The following DNAH9 variants were observed in gnomAD, a reference collection of about 807,000 sequenced individuals.
DNAH9 encodes DNAH9 variant protein.
In DNAH9, 345 loss-of-function variants were observed where a neutral mutation model predicts 471.6. The observed-to-expected ratio is 0.73, with a 90% CI of 0.67 to 0.80. The LOEUF (loss-of-function observed/expected upper bound fraction) is 0.80. DNAH9 is among the 30% of genes least tolerant of loss of function. The probability of loss-of-function intolerance (pLI) is 0.00; values close to 1 mark genes in which losing one functional copy is unlikely to be tolerated. For missense variants in DNAH9, 5,407 were observed against 5,609.2 expected (o/e 0.96, Z 1.15); for synonymous variants, 2,093 against 2,123.6 (o/e 0.99, Z 0.40).
chr17:11,691,121 C>T (rs377530959), intron 20 of DNAH9, among the ~76,000 whole-genome samples: 93 of 152,292 alleles, frequency 6.1e-4, no homozygotes, highest in Middle Eastern at 6.8e-3. Context: ...CAAAATGTCA[C>T]GGGCTGTCCA....
At chr17:11,701,939 C>T (rs374239307) in intron 24 of DNAH9, among the ~76,000 whole-genome samples, 1 of 152,194 alleles carries the variant, frequency 6.6e-6, no homozygotes, top group Non-Finnish European at 1.5e-5. Flanking sequence ...ACCTCGGCCT[C>T]CCAAAGTGCT....
At chr17:11,617,749 C>T (rs2072776600) in intron 5 of DNAH9, 127 bp downstream of exon 5, 5 of 670,780 alleles carry the variant, frequency 7.5e-6, no homozygotes, top group South Asian at 7.4e-5. Context: ...AGTTCTTACA[C>T]TTGAATTACA....
chr17:11,622,080 G>A (rs1326019525), intron 6 of DNAH9, among the ~76,000 whole-genome samples: 1 of 119,686 alleles, frequency 8.4e-6, no homozygotes, highest in Non-Finnish European at 1.8e-5. Flanking sequence ...GCGAGACTCC[G>A]TCTCAAAAAA....
chr17:11,874,135 C>A (rs1972381643), intron 52 of DNAH9, among the ~76,000 whole-genome samples: 1 of 151,250 alleles, frequency 6.6e-6, no homozygotes, highest in South Asian at 2.1e-4. Context: ...ATCCCAGCCA[C>A]CTGGGAGGCT....
chr17:11,632,847 CCTT>C lies in DNAH9; in HGVS notation c.1635+148_1635+150del, dbSNP rs564406160. The stretch of plus-strand genomic sequence containing the variant: ...ATCTAGTAGAGAAGGATATGGGAAT[CCTT>C]CTTATATCAAGAAAGTGTGCAGAAT... On this transcript the variant is annotated intron_variant, in intron 8 of 68. Transcript: ENST00000262442. 4.3e-4 allele frequency: 212 copies of C among 489,488 alleles called. No homozygotes were observed. In the East Asian group the frequency reaches 6.0e-3, roughly 14 times the overall value. 30.3% of individuals were successfully genotyped at this position (489,488 alleles called of 1,614,324 possible). A position where few individuals can be genotyped will look rare whatever the true frequency, so the allele number is the denominator to read the frequency against.
intron 45 of DNAH9, among the ~76,000 whole-genome samples, chr17:11,820,945 TA>T (rs1349758023): frequency 6.6e-6 from 1 of 152,164 alleles, no homozygotes; most frequent in East Asian, 1.9e-4. Context: ...TTTTTATAGT[TA>T]AATCATTGAT....
intron 50 of DNAH9, among the ~76,000 whole-genome samples, chr17:11,863,320 C>T (rs1488842816): frequency 6.6e-6 from 1 of 152,092 alleles, no homozygotes; most frequent in African/African-American, 2.4e-5. Flanking sequence ...TGCTGGATTA[C>T]ATTTATTGAT....
chr17:11,758,113 C>A (rs1347399809), intron 35 of DNAH9, among the ~76,000 whole-genome samples: 1 of 152,272 alleles, frequency 6.6e-6, no homozygotes, highest in East Asian at 1.9e-4. Flanking sequence ...GGGCCCACTC[C>A]CCGTCCCTGG....
chr17:11,728,814 A>G (rs1238973228), intron 28 of DNAH9, among the ~76,000 whole-genome samples: 2 of 152,144 alleles, frequency 1.3e-5, no homozygotes, highest in Non-Finnish European at 2.9e-5. Flanking sequence ...CCATGGCCCT[A>G]CAAGCCACTA....
chr17:11,626,890 T>A lies in DNAH9; in HGVS notation c.1351-2527T>A, dbSNP rs1453946804. On this transcript the variant is annotated intron_variant, in intron 6 of 68. Coordinates refer to ENST00000262442, the MANE Select transcript of DNAH9 (RefSeq NM_001372.4). The surrounding 1 kb of genome is among the most constrained non-coding windows in gnomAD (Gnocchi z 4.3). ...AAGTCAAAGAACAAACAGCATACATTCTTTCACTCAACAAATGTGTTCAGG... is the reference window on the plus strand; with the variant it reads ...AAGTCAAAGAACAAACAGCATACATACTTTCACTCAACAAATGTGTTCAGG... Among the ~76,000 whole-genome samples, 1 of 152,194 alleles carries A rather than the reference T, an allele frequency of 6.6e-6. No homozygotes were observed. Among genetic ancestry groups the A allele is most frequent in the Admixed American group, 6.5e-5 (1 of 15,274 alleles).
At position 11,629,284 on chromosome 17, in the gene DNAH9, T is replaced by C. The variant is rs1356946540; in HGVS notation, c.1351-133T>C. 5 of 516,910 alleles carry C rather than the reference T, an allele frequency of 9.7e-6. No individual in the cohort carries two copies. In the Admixed American group the frequency reaches 1.2e-4, roughly 13 times the overall value. 32.0% of individuals were successfully genotyped at this position (516,910 alleles called of 1,614,324 possible). A position where few individuals can be genotyped will look rare whatever the true frequency, so the allele number is the denominator to read the frequency against. ...CCACAACAGTCCCCAGAGTGTGATGTTCCCCTTCCTGTGTCCATGTGTTCT... is the reference window on the plus strand; with the variant it reads ...CCACAACAGTCCCCAGAGTGTGATGCTCCCCTTCCTGTGTCCATGTGTTCT... On this transcript the variant is annotated intron_variant, in intron 6 of 68. Transcript: ENST00000262442.
chr17:11,620,069 A>C, intron 6 of DNAH9: 23 of 388,090 alleles, frequency 5.9e-5, no homozygotes, highest in Middle Eastern at 7.9e-4. Context: ...CAACAACAAA[A>C]TAGCCAGGTG....
chr17:11,888,861 T>C (rs747358448), intron 57 of DNAH9, among the ~76,000 whole-genome samples: 10 of 152,166 alleles, frequency 6.6e-5, no homozygotes, highest in Non-Finnish European at 1.5e-4. Flanking sequence ...GAAGAGGCAT[T>C]CTCAGAATAT....
chr17:11,967,329 A>T (rs867922515), intron 68 of DNAH9, among the ~76,000 whole-genome samples: 1 of 152,012 alleles, frequency 6.6e-6, no homozygotes, highest in Middle Eastern at 3.4e-3. Context: ...CTGGCCTCCA[A>T]CTCCTGAGCT....
intron 26 of DNAH9, among the ~76,000 whole-genome samples, chr17:11,708,336 CTCTGTCTGTGTG>C (rs953868784): frequency 6.6e-6 from 1 of 152,164 alleles, no homozygotes; most frequent in Non-Finnish European, 1.5e-5. Context: ...CTGTCCAGGA[CTCTGTCTGTGTG>C]TCTGTCTGTG....
rs1296339075 is a variant in DNAH9 at position 11,626,642 on chromosome 17, A to G, written c.1351-2775A>G. ...AGTTCAACCTGTATGGTGAGGTCAC[A>G]TCTACTTCTTTGTCCCATTCACTCA... On this transcript the variant is annotated intron_variant, in intron 6 of 68. Transcript: ENST00000262442. This position sits in a 1 kb window ranked among gnomAD's most constrained non-coding sequence, Gnocchi z 4.3. Among the ~76,000 whole-genome samples the G allele has an allele frequency of 1.3e-5, 2 of 152,188 alleles. No individual in the cohort carries two copies. Among genetic ancestry groups the G allele is most frequent in the Non-Finnish European group, 2.9e-5 (2 of 68,030 alleles).
At chr17:11,698,394 A>G (rs79363394) in intron 22 of DNAH9, among the ~76,000 whole-genome samples, 1 of 8,398 alleles carries the variant, frequency 1.2e-4, no homozygotes, top group Non-Finnish European at 4.2e-4. Flanking sequence ...TATATATTTT[A>G]TATATATATA....
intron 14 of DNAH9, among the ~76,000 whole-genome samples, chr17:11,657,428 A>G (rs1173864908): frequency 6.6e-6 from 1 of 152,024 alleles, no homozygotes; most frequent in African/African-American, 2.4e-5. Context: ...AGTTCTAGCA[A>G]TCGTTTACAG....
intron 29 of DNAH9, among the ~76,000 whole-genome samples, chr17:11,741,118 C>T (rs2075427098): frequency 6.6e-6 from 1 of 152,010 alleles, no homozygotes; most frequent in Non-Finnish European, 1.5e-5. Context: ...TTGGTTGCTC[C>T]TTTGAATTTG....
Sources: gnomAD v4.1 joint callset for allele counts (sites outside exome capture counted in the v4.1 genomes callset) on GRCh38, gnomAD v4.1.1 for gene constraint, Gnocchi (gnomAD v3.1) non-coding constraint, MANE v1.5 for transcripts, NCBI Gene and HGNC (gene_info 2026-07-23, HGNC 2026-07-21) for gene names.